Variants in SLC39A14 observed in about 807,000 individuals in gnomAD.
The protein encoded by SLC39A14 is solute carrier family 39 member 14.
Under a neutral mutation model 45.5 loss-of-function variants are expected in SLC39A14, and 19 were observed. The ratio of observed to expected loss-of-function variants is 0.42; its 90% confidence interval spans 0.29 to 0.61. The LOEUF (loss-of-function observed/expected upper bound fraction) is 0.61, where lower values mean the gene tolerates loss of function less well. Ranked by LOEUF, SLC39A14 falls within the 20% of genes least tolerant of loss-of-function variation. The pLI is 0.22. For synonymous variants in SLC39A14, 264 were observed against 251.3 expected (o/e 1.05, Z -0.48); for missense variants, 447 against 616.5 (o/e 0.73, Z 2.91).
At position 22,420,279 on chromosome 8, in the gene SLC39A14, T is replaced by A; in HGVS notation, c.*581T>A. On this transcript the variant is annotated 3_prime_UTR_variant, in exon 9 of 9. Transcript: ENST00000381237. ...AGCAGGGTGAGAGGTGAGGCAAGGT[T>A]CATCCTGAATGGGAGAGGAAGTCGA... The A allele has an allele frequency of 3.0e-6, 3 of 985,480 alleles. No individual in the cohort carries two copies. Among genetic ancestry groups the A allele is most frequent in the Non-Finnish European group, 3.6e-6 (3 of 829,990 alleles). 61.0% of individuals were successfully genotyped at this position (985,480 alleles called of 1,614,324 possible). A position where few individuals can be genotyped will look rare whatever the true frequency, so the allele number is the denominator to read the frequency against.
rs1835240045 is a variant in SLC39A14, at chr8:22,406,776, A to C, written c.271-1534A>C. On this transcript the variant is annotated intron_variant, in intron 2 of 8. Transcript: ENST00000381237. ...GCACATCAGATGCTGAGCCAGAGAC[A>C]AGCACGCCCCCGTGCCCCCGCGGGG... Among the ~76,000 whole-genome samples the C allele has an allele frequency of 2.6e-5, 4 of 152,170 alleles. No homozygotes were observed. The South Asian group carries it at 8.3e-4, about 32-fold the overall frequency.
rs1198212425 is a variant in SLC39A14 at position 22,420,637 on chromosome 8, AC to A, written c.*940del. The A allele has an allele frequency of 1.0e-6, 1 of 985,282 alleles. No individual in the cohort carries two copies. Among genetic ancestry groups the A allele is most frequent in the East Asian group, 1.1e-4 (1 of 8,824 alleles). 61.0% of individuals were successfully genotyped at this position (985,282 alleles called of 1,614,324 possible). On this transcript the variant is annotated 3_prime_UTR_variant, in exon 9 of 9. Coordinates refer to ENST00000381237, the MANE Select transcript of SLC39A14 (RefSeq NM_001128431.4). Reference sequence around the variant, plus strand: ...ACAAACTATCCTCCCCCAGGTTGAGACGTCTGCAGAGTGGCAAGCTGACTTG... The same window carrying A: ...ACAAACTATCCTCCCCCAGGTTGAGAGTCTGCAGAGTGGCAAGCTGACTTG...
downstream of SLC39A14, among the ~76,000 whole-genome samples, chr8:22,425,891 T>TTTTG (rs759059467): frequency 2.3e-5 from 3 of 130,890 alleles, no homozygotes; most frequent in South Asian, 2.7e-4. Context: ...TGGTTTTTGT[T>TTTTG]TTTTTTTTGT....
Position 22,403,721 on chromosome 8 carries a change from C to G in SLC39A14, c.-15-975C>G, listed in dbSNP as rs371944593. Among the ~76,000 whole-genome samples the G allele has an allele frequency of 2.5e-4, 38 of 151,260 alleles. 1 individual carries two copies. The highest frequency in any genetic ancestry group is 7.4e-5 in the Non-Finnish European group (5 of 67,784). On this transcript the variant is annotated intron_variant, in intron 1 of 8. Coordinates refer to ENST00000381237, the MANE Select transcript of SLC39A14 (RefSeq NM_001128431.4). ...ATCACTTGAGCCCAGGAGTTTGAGA[C>G]GAGCGGGCAAATATGGTGAAACCCC...
At chr8:22,391,560 G>A (rs1053121343) in intron 1 of SLC39A14, among the ~76,000 whole-genome samples, 1 of 151,872 alleles carries the variant, frequency 6.6e-6, no homozygotes, top group African/African-American at 2.4e-5. Context: ...GTGGTTCTGA[G>A]CTCCCTGTTC....
In SLC39A14 at chr8:22,412,447, C is replaced by G. The variant is rs80201282; in HGVS notation, c.627+241C>G. 3.3e-4 allele frequency among the ~76,000 whole-genome samples: 51 copies of G among 152,318 alleles called. 2 individuals carry two copies. The East Asian group carries it at 9.1e-3, about 27-fold the overall frequency. On this transcript the variant is annotated intron_variant, in intron 4 of 8. Transcript: ENST00000381237. ...GCACACCACTGACCTCACACTGCCT[C>G]TGTTTCTTCAGATGTGAAATGGGGA...
intron 3 of SLC39A14, chr8:22,410,208 C>A: frequency 3.2e-6 from 4 of 1,269,238 alleles, no homozygotes; most frequent in Non-Finnish European, 4.5e-6. Context: ...CCAAGGCACC[C>A]AATGACTGCC....
chr8:22,422,831 T>C (rs1186450922), downstream of SLC39A14: 14 of 490,524 alleles, frequency 2.9e-5, no homozygotes, highest in Non-Finnish European at 3.7e-5. Context: ...TTTTTTTTGT[T>C]GTTGTTATTG....
chr8:22,417,855 C>T lies in SLC39A14; in HGVS notation c.1332+20C>T. ...GATATGGTAAGTGTTCCACAGTTCA[C>T]TGGATGAGAGGGCGGCTAAGGGGAT... On this transcript the variant is annotated intron_variant, in intron 8 of 8. Transcript: ENST00000381237. The T allele has an allele frequency of 1.9e-6, 3 of 1,605,080 alleles. No homozygotes were observed. Among genetic ancestry groups the T allele is most frequent in the Non-Finnish European group, 2.6e-6 (3 of 1,174,562 alleles).
intron 1 of SLC39A14, among the ~76,000 whole-genome samples, chr8:22,382,911 T>C (rs1833592153): frequency 6.7e-6 from 1 of 149,214 alleles, no homozygotes; most frequent in Non-Finnish European, 1.5e-5. Flanking sequence ...AGAGACGGGG[T>C]TTCACTATGT....
At chr8:22,373,093 C>T (rs886664182) in intron 1 of SLC39A14, among the ~76,000 whole-genome samples, 8 of 152,056 alleles carry the variant, frequency 5.3e-5, no homozygotes, top group African/African-American at 1.9e-4. Flanking sequence ...GAAACCTCGT[C>T]TCTACTAAAA....
At chr8:22,397,374 C>G (rs186907255) in intron 1 of SLC39A14, among the ~76,000 whole-genome samples, 1 of 152,034 alleles carries the variant, frequency 6.6e-6, no homozygotes, top group Non-Finnish European at 1.5e-5. Context: ...GTCAGGAGAT[C>G]GAGACCATCC....
intron 1 of SLC39A14, among the ~76,000 whole-genome samples, chr8:22,396,333 C>T (rs1473167854): frequency 1.4e-5 from 2 of 142,638 alleles, no homozygotes; most frequent in East Asian, 2.0e-4. Context: ...CGCCACTGCA[C>T]TCCAGCCTGG....
intron 1 of SLC39A14, among the ~76,000 whole-genome samples, chr8:22,400,362 T>A (rs1834786649): frequency 1.3e-5 from 2 of 152,246 alleles, no homozygotes; most frequent in African/African-American, 2.4e-5. Context: ...TAGCAAGGTC[T>A]GCAATCGGTA....
At position 22,422,540 on chromosome 8, in the gene SLC39A14, T is replaced by TACAGTTCTGCAGTTCCATC. The variant is rs1380024296; in HGVS notation, c.*2848_*2866dup. The TACAGTTCTGCAGTTCCATC allele has an allele frequency of 2.0e-6, 2 of 985,504 alleles. No homozygotes were observed. The highest frequency in any genetic ancestry group is 6.1e-5 in the Admixed American group (1 of 16,274). The allele number at this position is 985,504 out of a possible 1,614,324, so 61.0% of individuals were successfully genotyped here. On this transcript the variant is annotated 3_prime_UTR_variant, in exon 9 of 9. Transcript: ENST00000381237. ...GGATTTTATTGTTCTTATTTCCCTTTACAGTTCTGCAGTTCCATCACAGTA... is the reference window on the plus strand; with the variant it reads ...GGATTTTATTGTTCTTATTTCCCTTTACAGTTCTGCAGTTCCATCACAGTTCTGCAGTTCCATCACAGTA...
At chr8:22,411,117 C>G (rs1266477278) in intron 3 of SLC39A14, among the ~76,000 whole-genome samples, 1 of 152,194 alleles carries the variant, frequency 6.6e-6, no homozygotes, top group Non-Finnish European at 1.5e-5. Context: ...GCTATTTTTT[C>G]AGCTCCAGCA....
intron 1 of SLC39A14, among the ~76,000 whole-genome samples, chr8:22,370,159 T>C (rs1832850928): frequency 1.3e-5 from 2 of 152,114 alleles, no homozygotes; most frequent in Admixed American, 1.3e-4. Flanking sequence ...CTTGTGTGTG[T>C]GTGTGCACAT....
downstream of SLC39A14, chr8:22,422,759 A>C (rs746895516): frequency 8.3e-4 from 804 of 969,318 alleles, 1 homozygote; most frequent in South Asian, 1.1e-3. Context: ...ATGGTGTCTC[A>C]CTGACGTACA....
downstream of SLC39A14, among the ~76,000 whole-genome samples, chr8:22,423,785 T>TC (rs1173072209): frequency 9.9e-5 from 14 of 141,408 alleles, no homozygotes; most frequent in African/African-American, 1.9e-4. Context: ...CTTTAATTGG[T>TC]TTCTCTCTCT....
Sources: gnomAD v4.1 joint callset for allele counts (sites outside exome capture counted in the v4.1 genomes callset) on GRCh38, gnomAD v4.1.1 for gene constraint, MANE v1.5 for transcripts, NCBI Gene and HGNC (gene_info 2026-07-23, HGNC 2026-07-21) for gene names.